TRHDE: variants seen among roughly 807,000 people sequenced by gnomAD.
The protein encoded by TRHDE is thyrotropin-releasing hormone-degrading ectoenzyme.
In TRHDE, 72 loss-of-function variants were observed where a neutral mutation model predicts 125.7. That is an observed-to-expected ratio of 0.57 (90% CI 0.47 to 0.70). TRHDE has a LOEUF of 0.70. Among genes scored for constraint, TRHDE ranks in the 30% least tolerant of loss-of-function variants. The pLI is 0.00. For synonymous variants in TRHDE, 509 were observed against 509.1 expected (o/e 1.00, Z 0.00); for missense variants, 1,110 against 1,327.1 (o/e 0.84, Z 2.54).
chr12:72,181,345 A>G (rs965485684), intron 2 of TRHDE, among the ~76,000 whole-genome samples: 6 of 152,170 alleles, frequency 3.9e-5, no homozygotes, highest in Non-Finnish European at 7.4e-5. Flanking sequence ...GTTCGTCTCC[A>G]AGGTCAGTAG....
intron 2 of TRHDE, among the ~76,000 whole-genome samples, chr12:72,112,762 C>G (rs35182815): frequency 6.6e-6 from 1 of 152,192 alleles, no homozygotes; most frequent in East Asian, 1.9e-4. Context: ...GATTAAACTT[C>G]TAAGTCCTGG....
chr12:72,454,511 A>G lies in TRHDE; in HGVS notation c.1316-15247A>G, dbSNP rs142464045. ...TCATGGACCTTGATACATGAACAGA[A>G]GAGAATATCTTACATTGAATACTGA... On this transcript the variant is annotated intron_variant, in intron 3 of 18. Transcript: ENST00000261180. Among the ~76,000 whole-genome samples, 3 of 152,314 alleles carry G rather than the reference A, an allele frequency of 2.0e-5. No individual in the cohort carries two copies. The East Asian group carries it at 5.8e-4, about 29-fold the overall frequency.
At chr12:72,554,684 T>C (rs947841939) in intron 7 of TRHDE, among the ~76,000 whole-genome samples, 1 of 152,198 alleles carries the variant, frequency 6.6e-6, no homozygotes, top group African/African-American at 2.4e-5. Context: ...TTGATCAGGA[T>C]ATTCAGAAAA....
Position 72,425,525 on chromosome 12 carries a change from T to C in TRHDE, c.1316-44233T>C, listed in dbSNP as rs144217893. ...AAATCAATTGAGTTTCCATAATTTG[T>C]CTTCAGTTAAGATCCTCACCTTGTG... On this transcript the variant is annotated intron_variant, in intron 3 of 18. Coordinates refer to ENST00000261180, the MANE Select transcript of TRHDE (RefSeq NM_013381.3). Among the ~76,000 whole-genome samples, 1,139 of 152,198 alleles carry C rather than the reference T, an allele frequency of 7.5e-3. 9 individuals are homozygous for C. Among genetic ancestry groups the C allele is most frequent in the Non-Finnish European group, 9.4e-3 (641 of 67,986 alleles).
At chr12:72,488,988 G>A (rs1456274170) in intron 5 of TRHDE, among the ~76,000 whole-genome samples, 1 of 151,656 alleles carries the variant, frequency 6.6e-6, no homozygotes, top group East Asian at 1.9e-4. Flanking sequence ...ATCTATGAGA[G>A]GCAGCAAAAG....
chr12:72,171,659 G>C (rs117878154), intron 2 of TRHDE, among the ~76,000 whole-genome samples: 1 of 152,246 alleles, frequency 6.6e-6, no homozygotes, highest in East Asian at 1.9e-4. Flanking sequence ...CAATGAGAGG[G>C]ATACTTTTCT....
chr12:72,124,678 G>T (rs1227196354), intron 2 of TRHDE, among the ~76,000 whole-genome samples: 1 of 152,062 alleles, frequency 6.6e-6, no homozygotes, highest in Non-Finnish European at 1.5e-5. Context: ...AGCTACGGTG[G>T]AACATTTAGA....
intron 3 of TRHDE, 73 bp from the exon 4 acceptor site, chr12:72,469,685 C>A: frequency 1.3e-6 from 2 of 1,491,034 alleles, no homozygotes; most frequent in Non-Finnish European, 1.8e-6. Context: ...GATTTCTGGA[C>A]ACTTTTTAGG....
chr12:72,422,148 A>G (rs963522782), intron 3 of TRHDE, among the ~76,000 whole-genome samples: 4 of 152,076 alleles, frequency 2.6e-5, no homozygotes, highest in African/African-American at 9.7e-5. Context: ...TTATCTATAG[A>G]AATGTAGTGG....
chr12:72,629,936 G>A (rs1205977777), intron 15 of TRHDE, among the ~76,000 whole-genome samples: 1 of 151,162 alleles, frequency 6.6e-6, no homozygotes, highest in Admixed American at 6.6e-5. Context: ...ATTTATGTTA[G>A]TCTTCTAATG....
chr12:72,612,970 A>G lies in TRHDE; in HGVS notation c.2322-5921A>G, dbSNP rs140301766. On this transcript the variant is annotated intron_variant, in intron 12 of 18. Transcript: ENST00000261180. Reference sequence around the variant, plus strand: ...AGCATGTGTAGAGAAGAAATGCTGGATGCAATGATGGTGGTAGTGAGACTA... The same window carrying G: ...AGCATGTGTAGAGAAGAAATGCTGGGTGCAATGATGGTGGTAGTGAGACTA... Among the ~76,000 whole-genome samples, 1,382 of 152,274 alleles carry G rather than the reference A, an allele frequency of 9.1e-3. 72 individuals are homozygous for G. Among genetic ancestry groups the G allele is most frequent in the Admixed American group, 0.076 (1,162 of 15,292 alleles).
chr12:72,264,271 C>T (rs1592505297), intron 2 of TRHDE: 2 of 151,880 alleles, frequency 1.3e-5, no homozygotes, highest in Non-Finnish European at 2.9e-5. Flanking sequence ...AAAAATAAAC[C>T]GAGTAAGGTA....
intron 6 of TRHDE, among the ~76,000 whole-genome samples, chr12:72,516,466 A>G (rs1878865880): frequency 6.6e-6 from 1 of 151,856 alleles, no homozygotes; most frequent in African/African-American, 2.4e-5. Flanking sequence ...GGTGTATAAG[A>G]ATGCTTGTGA....
intron 2 of TRHDE, among the ~76,000 whole-genome samples, chr12:72,149,634 G>A (rs1039929726): frequency 3.3e-5 from 5 of 150,976 alleles, no homozygotes; most frequent in African/African-American, 9.7e-5. Context: ...AATAATACAT[G>A]TTTATTGTAA....
chr12:72,377,304 CTTTT>C (rs200021223), intron 2 of TRHDE, among the ~76,000 whole-genome samples: 1 of 130,406 alleles, frequency 7.7e-6, no homozygotes, highest in African/African-American at 2.8e-5. Context: ...TTGCTTTAGG[CTTTT>C]TTTTTTTTTT....
intron 2 of TRHDE, among the ~76,000 whole-genome samples, chr12:72,162,175 T>G (rs1765497102): frequency 6.6e-6 from 1 of 152,218 alleles, no homozygotes; most frequent in South Asian, 2.1e-4. Flanking sequence ...TTGGCTAACA[T>G]TCATCCTAGC....
intron 2 of TRHDE, among the ~76,000 whole-genome samples, chr12:72,258,490 G>T (rs1878869236): frequency 6.6e-6 from 1 of 152,096 alleles, no homozygotes. Flanking sequence ...CTTTAGAGCT[G>T]CACAGTGAGA....
intron 6 of TRHDE, among the ~76,000 whole-genome samples, chr12:72,536,837 C>G (rs2135981778): frequency 6.6e-6 from 1 of 152,152 alleles, no homozygotes; most frequent in Non-Finnish European, 1.5e-5. Context: ...GAATATGGGT[C>G]AGGCATTTCA....
At chr12:72,163,639 C>T (rs1287532902) in intron 2 of TRHDE, among the ~76,000 whole-genome samples, 3 of 152,124 alleles carry the variant, frequency 2.0e-5, no homozygotes, top group Non-Finnish European at 4.4e-5. Context: ...GTAGGCTGAG[C>T]ATCTGAGAGT....
Sources: allele counts gnomAD v4.1 joint callset (sites outside exome capture counted in the v4.1 genomes callset), GRCh38; gene constraint gnomAD v4.1.1; transcripts MANE v1.5; gene names NCBI Gene and HGNC (gene_info 2026-07-23, HGNC 2026-07-21).